PDE4D: variants seen among roughly 807,000 people sequenced by gnomAD.
The protein encoded by PDE4D is 3',5'-cyclic-AMP phosphodiesterase 4D.
In PDE4D, 24 loss-of-function variants were observed where a neutral mutation model predicts 87.4. That is an observed-to-expected ratio of 0.27 (90% CI 0.20 to 0.39). The LOEUF is 0.39. PDE4D is among the 10% of genes least tolerant of loss of function. The probability of loss-of-function intolerance (pLI) is 1.00; values close to 1 mark genes in which losing one functional copy is unlikely to be tolerated. For synonymous variants in PDE4D, 384 were observed against 383.2 expected, an observed-to-expected ratio of 1.00 and a Z score of -0.02; for missense variants, 714 against 1,041.0, an observed-to-expected ratio of 0.69 and a Z score of 4.32.
chr5:59,538,422 T>C (rs981102699), intron 1 of PDE4D, among the ~76,000 whole-genome samples: 2 of 152,236 alleles, frequency 1.3e-5, no homozygotes, highest in Non-Finnish European at 2.9e-5. Flanking sequence ...CTCCTCTTGC[T>C]GGACCCCAAA....
At chr5:58,990,271 C>T (rs574420571) in intron 9 of PDE4D, among the ~76,000 whole-genome samples, 26 of 152,288 alleles carry the variant, frequency 1.7e-4, no homozygotes, top group South Asian at 1.0e-3. Context: ...TAAAAATCAA[C>T]GTCCTCTCTA....
intron 1 of PDE4D, among the ~76,000 whole-genome samples, chr5:59,544,242 G>A (rs2153685145): frequency 6.6e-6 from 1 of 152,326 alleles, no homozygotes; most frequent in Non-Finnish European, 1.5e-5. Context: ...CTCAGGGATT[G>A]AATTACCCAA....
chr5:59,622,499 C>A (rs1247099845), intron 1 of PDE4D, among the ~76,000 whole-genome samples: 1 of 152,160 alleles, frequency 6.6e-6, no homozygotes, highest in Non-Finnish European at 1.5e-5. Context: ...ATGATCTTGA[C>A]TACCTTAATG....
At chr5:60,264,642 A>T (rs888046255) in intron 1 of PDE4D, among the ~76,000 whole-genome samples, 1 of 152,216 alleles carries the variant, frequency 6.6e-6, no homozygotes, top group African/African-American at 2.4e-5. Flanking sequence ...TGTTTATCTC[A>T]AGAAAAGTAC....
At chr5:60,424,408 G>A (rs770260561) in intron 1 of PDE4D, among the ~76,000 whole-genome samples, 3 of 152,020 alleles carry the variant, frequency 2.0e-5, no homozygotes, top group Admixed American at 2.0e-4. Context: ...AATCCATCAC[G>A]TCAACAGAAC....
At chr5:59,556,891 A>G (rs1819030670) in intron 1 of PDE4D, among the ~76,000 whole-genome samples, 1 of 152,212 alleles carries the variant, frequency 6.6e-6, no homozygotes, top group South Asian at 2.1e-4. Context: ...AGGACAAAGG[A>G]AGAAAGGGAG....
intron 1 of PDE4D, among the ~76,000 whole-genome samples, chr5:60,458,801 T>A (rs573620149): frequency 5.3e-5 from 8 of 152,070 alleles, no homozygotes; most frequent in Admixed American, 1.3e-4. Flanking sequence ...GTGCACCTCC[T>A]CAATATGCCA....
At chr5:59,935,355 T>A (rs529389736) in intron 3 of PDE4D, among the ~76,000 whole-genome samples, 4 of 152,148 alleles carry the variant, frequency 2.6e-5, no homozygotes, top group African/African-American at 9.6e-5. Context: ...GAGAGCTTTT[T>A]AGGAAGGTTG....
intron 1 of PDE4D, among the ~76,000 whole-genome samples, chr5:59,236,512 T>G (rs748258764): frequency 6.6e-6 from 1 of 152,194 alleles, no homozygotes; most frequent in Non-Finnish European, 1.5e-5. Flanking sequence ...CATAGCTATT[T>G]GATGTGTTGT....
At chr5:59,916,077 A>T (rs1754009239) in intron 3 of PDE4D, among the ~76,000 whole-genome samples, 1 of 152,172 alleles carries the variant, frequency 6.6e-6, no homozygotes, top group Non-Finnish European at 1.5e-5. Context: ...ACAAACCCCA[A>T]AATACGGGTA....
chr5:59,620,378 G>A (rs907725972), intron 1 of PDE4D, among the ~76,000 whole-genome samples: 3 of 152,180 alleles, frequency 2.0e-5, no homozygotes, highest in Admixed American at 2.0e-4. Flanking sequence ...GGGTTAGCAA[G>A]AAAGCAGTTG....
At chr5:59,620,511 A>T (rs1561341432) in intron 1 of PDE4D, among the ~76,000 whole-genome samples, 1 of 152,172 alleles carries the variant, frequency 6.6e-6, no homozygotes, top group Non-Finnish European at 1.5e-5. Context: ...CTGGCTGATG[A>T]CAAAGTTCAG....
intron 2 of PDE4D, among the ~76,000 whole-genome samples, chr5:59,196,357 A>G (rs779281803): frequency 4.6e-5 from 7 of 152,190 alleles, no homozygotes; most frequent in Non-Finnish European, 1.0e-4. Context: ...GAACAGCTTA[A>G]AAAGATTAAA....
chr5:60,089,953 C>T (rs1774951869), intron 2 of PDE4D, among the ~76,000 whole-genome samples: 1 of 150,758 alleles, frequency 6.6e-6, no homozygotes. Context: ...CACATGCAAA[C>T]CATGAAGATT....
intron 1 of PDE4D, among the ~76,000 whole-genome samples, chr5:59,779,829 T>A (rs1561649939): frequency 6.6e-6 from 1 of 152,234 alleles, no homozygotes; most frequent in Non-Finnish European, 1.5e-5. Flanking sequence ...GTATTTTTTT[T>A]AATAATAGAT....
intron 5 of PDE4D, among the ~76,000 whole-genome samples, chr5:59,098,999 T>A (rs2153432520): frequency 6.6e-6 from 1 of 152,268 alleles, no homozygotes; most frequent in Admixed American, 6.5e-5. Context: ...GCTGCATCAA[T>A]CTCTTAGAAA....
chr5:59,401,984 G>A (rs1402174608), intron 1 of PDE4D, among the ~76,000 whole-genome samples: 3 of 152,152 alleles, frequency 2.0e-5, no homozygotes, highest in Admixed American at 1.3e-4. Flanking sequence ...CCAACCACCC[G>A]AAGGTCAAAA....
chr5:59,448,224 T>C (rs1435631957), intron 1 of PDE4D, among the ~76,000 whole-genome samples: 2 of 152,138 alleles, frequency 1.3e-5, no homozygotes, highest in African/African-American at 4.8e-5. Flanking sequence ...TTTTTGACAA[T>C]AAGCTTTAAG....
At chr5:59,512,609 A>G (rs1810468020) in intron 1 of PDE4D, among the ~76,000 whole-genome samples, 2 of 152,174 alleles carry the variant, frequency 1.3e-5, no homozygotes, top group Non-Finnish European at 2.9e-5. Context: ...TCAAACCAAA[A>G]TTCTGGATAT....
Sources: gnomAD v4.1 joint callset for allele counts (sites outside exome capture counted in the v4.1 genomes callset) on GRCh38, gnomAD v4.1.1 for gene constraint, MANE v1.5 for transcripts, NCBI Gene and HGNC (gene_info 2026-07-23, HGNC 2026-07-21) for gene names.